The following CADPS2 variants were observed in gnomAD, a reference collection of about 807,000 sequenced individuals.
CADPS2 encodes calcium-dependent secretion activator 2.
A neutral mutation model predicts 172.5 loss-of-function variants in CADPS2; 93 were observed. That is an observed-to-expected ratio of 0.54 (90% confidence interval 0.46 to 0.64). The LOEUF (loss-of-function observed/expected upper bound fraction) is 0.64, where lower values mean the gene tolerates loss of function less well. Ranked by LOEUF, CADPS2 falls within the 30% of genes least tolerant of loss-of-function variation. CADPS2 has a pLI of 0.00. For synonymous variants in CADPS2, 546 were observed against 555.2 expected, an observed-to-expected ratio of 0.98 and a Z score of 0.23; for missense variants, 1,420 against 1,565.9, an observed-to-expected ratio of 0.91 and a Z score of 1.57.
chr7:122,866,183 A>C (rs1818267673), intron 1 of CADPS2, among the ~76,000 whole-genome samples: 1 of 152,244 alleles, frequency 6.6e-6, no homozygotes, highest in African/African-American at 2.4e-5. Context: ...ACCATGTTAT[A>C]ATCTCAAAAT....
intron 1 of CADPS2, among the ~76,000 whole-genome samples, chr7:122,778,323 A>G (rs1412944424): frequency 1.3e-5 from 2 of 152,212 alleles, no homozygotes; most frequent in African/African-American, 2.4e-5. Context: ...AGTGTTCAAG[A>G]GGAAGCAGAA....
intron 1 of CADPS2, among the ~76,000 whole-genome samples, chr7:122,839,225 T>G (rs1026373621): frequency 6.6e-6 from 1 of 152,200 alleles, no homozygotes; most frequent in Admixed American, 6.5e-5. Context: ...TGGCTAGCCT[T>G]ATGTAGACAG....
In CADPS2 at chr7:122,878,710, T is replaced by A. The variant is rs1295236167; in HGVS notation, c.339+7289A>T. Among the ~76,000 whole-genome samples the A allele has an allele frequency of 3.3e-5, 5 of 151,184 alleles. No individual in the cohort carries two copies. The East Asian group carries it at 9.7e-4, about 29-fold the overall frequency. On this transcript the variant is annotated intron_variant, in intron 1 of 29. Transcript: ENST00000449022. Reference sequence around the variant, plus strand: ...AATACAAAGTTGTCATAAGTTAAAATTACATGAAAATTTGAAAAAAGAATT... The same window carrying A: ...AATACAAAGTTGTCATAAGTTAAAAATACATGAAAATTTGAAAAAAGAATT...
At chr7:122,495,915 ATTCTC>A (rs1330993053) in intron 9 of CADPS2, among the ~76,000 whole-genome samples, 1 of 152,182 alleles carries the variant, frequency 6.6e-6, no homozygotes, top group East Asian at 1.9e-4. Flanking sequence ...GACTAAGAAT[ATTCTC>A]TTCTGTTTAT....
chr7:122,401,831 G>A (rs1477284782), intron 20 of CADPS2, among the ~76,000 whole-genome samples: 1 of 152,036 alleles, frequency 6.6e-6, no homozygotes, highest in Non-Finnish European at 1.5e-5. Flanking sequence ...TTTGCTCTGG[G>A]AGTCAGTGAG....
At chr7:122,709,546 C>T (rs530214874) in intron 2 of CADPS2, among the ~76,000 whole-genome samples, 2 of 151,612 alleles carry the variant, frequency 1.3e-5, no homozygotes, top group African/African-American at 4.8e-5. Context: ...ACCCAGCCAT[C>T]CCATTACTGG....
At position 122,514,391 on chromosome 7, in the gene CADPS2, T is replaced by A. The variant is rs117930215; in HGVS notation, c.1476-1076A>T. 6.0e-4 allele frequency among the ~76,000 whole-genome samples: 92 copies of A among 152,266 alleles called. No individual in the cohort carries two copies. The East Asian group carries it at 0.012, about 19-fold the overall frequency. On this transcript the variant is annotated intron_variant, in intron 8 of 29. Coordinates refer to ENST00000449022, the MANE Select transcript of CADPS2 (RefSeq NM_017954.11). ...CTTAAGATTTTTAGACTTTCACAAC[T>A]TTTAAAACTAAAATCTTAGGCTGAA...
chr7:122,331,348 A>G (rs1159206324), intron 28 of CADPS2, among the ~76,000 whole-genome samples: 2 of 152,172 alleles, frequency 1.3e-5, no homozygotes, highest in Non-Finnish European at 2.9e-5. Context: ...AGTTCAAGTG[A>G]TTCAGTTAAA....
chr7:122,749,705 T>C (rs1008914021), intron 1 of CADPS2, among the ~76,000 whole-genome samples: 10 of 152,038 alleles, frequency 6.6e-5, no homozygotes, highest in African/African-American at 2.4e-4. Context: ...ACTTACCAAA[T>C]TTTAGTGGCA....
chr7:122,825,351 A>G (rs922370132), intron 1 of CADPS2, among the ~76,000 whole-genome samples: 1 of 152,226 alleles, frequency 6.6e-6, no homozygotes, highest in African/African-American at 2.4e-5. Context: ...GGCAATGAGG[A>G]AAAGCTCTAG....
At chr7:122,587,784 G>A (rs542328510) in intron 6 of CADPS2, among the ~76,000 whole-genome samples, 61 of 152,140 alleles carry the variant, frequency 4.0e-4, no homozygotes, top group African/African-American at 1.4e-3. Context: ...TTGAGGAATC[G>A]CCACATCATC....
rs78790792 is a variant in CADPS2 at position 122,741,006 on chromosome 7, C to A, written c.340-3938G>T. 6.2e-3 allele frequency among the ~76,000 whole-genome samples: 938 copies of A among 152,256 alleles called. 9 individuals carry two copies. The highest frequency in any genetic ancestry group is 0.022 in the African/African-American group (900 of 41,562). ...AGATTGGATCAATACTACAGATACA[C>A]CTGCACATGTGAGAAATGACATGTG... On this transcript the variant is annotated intron_variant, in intron 1 of 29. Coordinates refer to ENST00000449022, the MANE Select transcript of CADPS2 (RefSeq NM_017954.11).
chr7:122,657,125 G>A (rs1193694415), intron 3 of CADPS2, among the ~76,000 whole-genome samples: 2 of 152,158 alleles, frequency 1.3e-5, no homozygotes, highest in Non-Finnish European at 2.9e-5. Flanking sequence ...TTGTTTATGT[G>A]TGGTATTATT....
At chr7:122,680,671 G>T (rs2082924463) in intron 2 of CADPS2, among the ~76,000 whole-genome samples, 1 of 152,198 alleles carries the variant, frequency 6.6e-6, no homozygotes, top group South Asian at 2.1e-4. Context: ...TCGGGATAAT[G>T]CCACTGCACT....
rs895793620 is a variant in CADPS2, at chr7:122,886,119, C to A, written c.219G>T (p.Arg73=). The change falls in exon 1 of 30, where the codon CGG becomes CGT. Residue 73 remains arginine (R), a synonymous_variant. Transcript: ENST00000449022. ...VLSEGRDEPQ[R]QLDDEQERRI... is the part of the protein sequence containing the mutation. ...TCCGCTCCTGCTCATCGTCCAGCTGCCGCTGGGGCTCGTCTCGCCCCTCGC... is the reference window on the plus strand; with the variant it reads ...TCCGCTCCTGCTCATCGTCCAGCTGACGCTGGGGCTCGTCTCGCCCCTCGC... The A allele has an allele frequency of 4.5e-6, 7 of 1,563,160 alleles. No homozygotes were observed. In the African/African-American group the frequency reaches 9.5e-5, roughly 21 times the overall value.
chr7:122,778,792 C>T (rs184229923), intron 1 of CADPS2, among the ~76,000 whole-genome samples: 19 of 152,302 alleles, frequency 1.2e-4, no homozygotes, highest in Non-Finnish European at 2.5e-4. Context: ...TGAGTTAAGA[C>T]TCTGGGGACT....
intron 2 of CADPS2, among the ~76,000 whole-genome samples, chr7:122,724,390 G>T (rs557150129): frequency 6.6e-6 from 1 of 151,814 alleles, no homozygotes; most frequent in Non-Finnish European, 1.5e-5. Flanking sequence ...GTTCAGTGTC[G>T]TATAAGCCAT....
chr7:122,722,856 A>C (rs1325031988), intron 2 of CADPS2, among the ~76,000 whole-genome samples: 6 of 151,908 alleles, frequency 3.9e-5, no homozygotes, highest in Non-Finnish European at 7.4e-5. Context: ...AACAGAATAG[A>C]GCCCTCAGAA....
intron 4 of CADPS2, among the ~76,000 whole-genome samples, chr7:122,622,068 G>A (rs76669089): frequency 0.18 from 27,161 of 152,116 alleles, 3,247 homozygotes; most frequent in Non-Finnish European, 0.26. Flanking sequence ...GTAGCTTTGC[G>A]ATGCTTGGGA....
Sources: allele counts gnomAD v4.1 joint callset (sites outside exome capture counted in the v4.1 genomes callset), GRCh38; gene constraint gnomAD v4.1.1; transcripts MANE v1.5; gene names NCBI Gene and HGNC (gene_info 2026-07-23, HGNC 2026-07-21).